Variants in FRMD6 observed in about 807,000 individuals in gnomAD.
FRMD6 encodes the protein FERM domain containing 6.
FRMD6 carries 37 observed loss-of-function variants against 73.2 expected under a neutral mutation model. The observed-to-expected ratio is 0.51, with a 90% CI of 0.39 to 0.66. The LOEUF is 0.66. Ranked by LOEUF, FRMD6 falls within the 30% of genes least tolerant of loss-of-function variation. The pLI is 0.00. For synonymous variants in FRMD6, 273 were observed against 282.2 expected (o/e 0.97, Z 0.33); for missense variants, 714 against 780.5 (o/e 0.91, Z 1.02).
At chr14:51,550,548 G>T (rs986442708) in intron 1 of FRMD6, among the ~76,000 whole-genome samples, 3 of 150,396 alleles carry the variant, frequency 2.0e-5, no homozygotes, top group Non-Finnish European at 4.4e-5. Flanking sequence ...CCTTGCCAGT[G>T]CCAGCCTCAT....
chr14:51,679,353 C>T (rs946612226), intron 1 of FRMD6, among the ~76,000 whole-genome samples: 65 of 149,752 alleles, frequency 4.3e-4, no homozygotes, highest in African/African-American at 1.6e-3. Flanking sequence ...ATGTATGATG[C>T]ATATTATATA....
At chr14:51,510,909 C>T (rs1884259319) in intron 1 of FRMD6, among the ~76,000 whole-genome samples, 1 of 152,136 alleles carries the variant, frequency 6.6e-6, no homozygotes, top group Admixed American at 6.5e-5. Context: ...GATGCATGCC[C>T]TGCTCTGTCT....
chr14:51,459,572 A>G, the FRMD6 span, among the ~76,000 whole-genome samples: 3 of 152,098 alleles, frequency 2.0e-5, no homozygotes, highest in Non-Finnish European at 2.9e-5. Context: ...CGACGCCTGT[A>G]ATCCCAGCAC....
At chr14:51,462,555 C>T in the FRMD6 span, among the ~76,000 whole-genome samples, 3 of 152,152 alleles carry the variant, frequency 2.0e-5, no homozygotes, top group Non-Finnish European at 4.4e-5. Context: ...TAGACCCCAC[C>T]TTTCTGGTTC....
chr14:51,695,058 T>G (rs1489998642), intron 2 of FRMD6, among the ~76,000 whole-genome samples: 2 of 151,790 alleles, frequency 1.3e-5, no homozygotes, highest in Admixed American at 1.3e-4. Flanking sequence ...TATATAACGT[T>G]ATTTGGTCTA....
chr14:51,701,803 C>T (rs764775055), intron 4 of FRMD6, among the ~76,000 whole-genome samples: 1 of 151,508 alleles, frequency 6.6e-6, no homozygotes, highest in Non-Finnish European at 1.5e-5. Context: ...TTTGGCTATG[C>T]TAGGTGTCAA....
intron 1 of FRMD6, among the ~76,000 whole-genome samples, chr14:51,533,917 G>T (rs962727116): frequency 6.6e-6 from 1 of 152,148 alleles, no homozygotes; most frequent in African/African-American, 2.4e-5. Flanking sequence ...CTTCAATGTG[G>T]ATCCTTTTAT....
intron 2 of FRMD6, among the ~76,000 whole-genome samples, chr14:51,697,014 CAA>C (rs1895992098): frequency 6.6e-6 from 1 of 152,110 alleles, no homozygotes; most frequent in Non-Finnish European, 1.5e-5. Context: ...CAAAAGATAA[CAA>C]GTGTTGACGA....
chr14:51,625,770 A>G (rs1202174178), intron 2 of FRMD6, among the ~76,000 whole-genome samples: 1 of 151,982 alleles, frequency 6.6e-6, no homozygotes, highest in African/African-American at 2.4e-5. Flanking sequence ...AGGTCCACCT[A>G]GATCTCACAT....
intron 1 of FRMD6, among the ~76,000 whole-genome samples, chr14:51,518,105 A>G (rs1884735371): frequency 6.6e-6 from 1 of 152,238 alleles, no homozygotes; most frequent in Non-Finnish European, 1.5e-5. Flanking sequence ...AAGGAATTTG[A>G]GACTTCACAC....
At chr14:51,417,633 G>T in the FRMD6 span, among the ~76,000 whole-genome samples, 2 of 152,032 alleles carry the variant, frequency 1.3e-5, no homozygotes, top group Non-Finnish European at 2.9e-5. Flanking sequence ...TGTGTCTTGG[G>T]GTTGCTCTTC....
chr14:51,427,730 C>T, the FRMD6 span, among the ~76,000 whole-genome samples: 1 of 152,186 alleles, frequency 6.6e-6, no homozygotes, highest in Admixed American at 6.5e-5. Flanking sequence ...TACTTGTTAG[C>T]TTGTGCTGTC....
chr14:51,464,861 T>C, the FRMD6 span, among the ~76,000 whole-genome samples: 2 of 152,144 alleles, frequency 1.3e-5, no homozygotes, highest in African/African-American at 4.8e-5. Flanking sequence ...GGAGGGTTGC[T>C]CTGTAGGGGA....
At chr14:51,726,331 G>A (rs1897953225) in intron 13 of FRMD6, among the ~76,000 whole-genome samples, 1 of 152,168 alleles carries the variant, frequency 6.6e-6, no homozygotes, top group South Asian at 2.1e-4. Flanking sequence ...TAAATGTCCA[G>A]CAATATAGAT....
intron 2 of FRMD6, among the ~76,000 whole-genome samples, chr14:51,588,872 G>T (rs538763883): frequency 2.0e-5 from 3 of 152,230 alleles, no homozygotes; most frequent in Non-Finnish European, 4.4e-5. Flanking sequence ...GAACAGTGTG[G>T]CTTGGTCACT....
At chr14:51,566,787 T>C (rs914678112) in intron 1 of FRMD6, among the ~76,000 whole-genome samples, 1 of 152,272 alleles carries the variant, frequency 6.6e-6, no homozygotes, top group African/African-American at 2.4e-5. Context: ...TTGTCCATGA[T>C]AGTTTCCTCT....
chr14:51,531,006 ATCT>A (rs1417915926), intron 1 of FRMD6, among the ~76,000 whole-genome samples: 3 of 152,206 alleles, frequency 2.0e-5, no homozygotes, highest in Non-Finnish European at 4.4e-5. Flanking sequence ...TTCTTCCTGC[ATCT>A]TCTCATGGCA....
chr14:51,406,339 GTT>G, the FRMD6 span, among the ~76,000 whole-genome samples: 4 of 151,032 alleles, frequency 2.6e-5, no homozygotes, highest in South Asian at 8.4e-4. Flanking sequence ...AGAATTTTTA[GTT>G]TTTTTTTAGT....
chr14:51,401,580 C>G, the FRMD6 span, among the ~76,000 whole-genome samples: 3 of 152,172 alleles, frequency 2.0e-5, no homozygotes, highest in Non-Finnish European at 2.9e-5. Flanking sequence ...AATGCCCATC[C>G]TAACCCAAGC....
Sources: gnomAD v4.1 joint callset for allele counts (sites outside exome capture counted in the v4.1 genomes callset) on GRCh38, gnomAD v4.1.1 for gene constraint, MANE v1.5 for transcripts, NCBI Gene and HGNC (gene_info 2026-07-23, HGNC 2026-07-21) for gene names.